The following TUBGCP3 variants were observed in gnomAD, a reference collection of about 807,000 sequenced individuals.
TUBGCP3 encodes the protein tubulin gamma complex component 3.
Under a neutral mutation model 123.1 loss-of-function variants are expected in TUBGCP3, and 50 were observed. The observed-to-expected ratio is 0.41, with a 90% CI of 0.32 to 0.51. The LOEUF (loss-of-function observed/expected upper bound fraction) is 0.51, where lower values mean the gene tolerates loss of function less well. Ranked by LOEUF, TUBGCP3 falls within the 20% of genes least tolerant of loss-of-function variation. The pLI is 0.36. For missense variants in TUBGCP3, 882 were observed against 1,127.0 expected, an observed-to-expected ratio of 0.78 and a Z score of 3.11; for synonymous variants, 405 against 413.9, an observed-to-expected ratio of 0.98 and a Z score of 0.26.
chr13:112,534,050 G>C (rs73566375), intron 11 of TUBGCP3, among the ~76,000 whole-genome samples: 31 of 152,200 alleles, frequency 2.0e-4, no homozygotes, highest in African/African-American at 7.2e-4. Context: ...TGAGTATGCA[G>C]AGCTGGTGTG....
chr13:112,579,293 G>A (rs1007456793), intron 1 of TUBGCP3, among the ~76,000 whole-genome samples: 5 of 152,140 alleles, frequency 3.3e-5, no homozygotes, highest in African/African-American at 4.8e-5. Context: ...GTGGGGCCAC[G>A]GCATCCCTGG....
chr13:112,603,003 T>C, the TUBGCP3 span: 1 of 152,020 alleles, frequency 6.6e-6, no homozygotes, highest in Non-Finnish European at 1.5e-5. Flanking sequence ...AAGCAGCTGA[T>C]TTAATAAAGC....
intron 11 of TUBGCP3, among the ~76,000 whole-genome samples, chr13:112,529,563 A>G (rs1349447412): frequency 6.6e-6 from 1 of 152,110 alleles, no homozygotes; most frequent in Admixed American, 6.5e-5. Context: ...GAGCCTCTTC[A>G]AGCCGCTCCT....
intron 11 of TUBGCP3, among the ~76,000 whole-genome samples, chr13:112,535,366 A>G (rs1189039312): frequency 6.6e-6 from 1 of 152,158 alleles, no homozygotes; most frequent in Non-Finnish European, 1.5e-5. Context: ...AAACTGTCAA[A>G]CTGCTTTCCA....
At chr13:112,501,431 G>C (rs1880898370) in intron 19 of TUBGCP3, among the ~76,000 whole-genome samples, 1 of 152,146 alleles carries the variant, frequency 6.6e-6, no homozygotes, top group Non-Finnish European at 1.5e-5. Flanking sequence ...GTCCACACAG[G>C]GCACCTGCAG....
chr13:112,595,663 A>T, the TUBGCP3 span, among the ~76,000 whole-genome samples: 1 of 151,100 alleles, frequency 6.6e-6, no homozygotes, highest in Non-Finnish European at 1.5e-5. Flanking sequence ...TGGTATATAT[A>T]TTTTTCTATT....
At chr13:112,535,812 T>C (rs1359443418) in intron 11 of TUBGCP3, among the ~76,000 whole-genome samples, 1 of 152,238 alleles carries the variant, frequency 6.6e-6, no homozygotes, top group African/African-American at 2.4e-5. Context: ...CTGCTGGTGC[T>C]TTTGATGACA....
At chr13:112,568,572 G>A (rs1420243420) in intron 2 of TUBGCP3, among the ~76,000 whole-genome samples, 4 of 152,174 alleles carry the variant, frequency 2.6e-5, no homozygotes, top group Non-Finnish European at 4.4e-5. Context: ...TGGACTTCCA[G>A]AAGATGTTAT....
the TUBGCP3 span, among the ~76,000 whole-genome samples, chr13:112,597,500 A>C: frequency 6.6e-6 from 1 of 152,242 alleles, no homozygotes; most frequent in Admixed American, 6.5e-5. Flanking sequence ...TTGGAAAACC[A>C]AGAGAAACAA....
intron 14 of TUBGCP3, among the ~76,000 whole-genome samples, chr13:112,522,037 C>A (rs1403835561): frequency 6.6e-6 from 1 of 152,162 alleles, no homozygotes; most frequent in Non-Finnish European, 1.5e-5. Flanking sequence ...ATTTGACCAA[C>A]TCCTCATACA....
chr13:112,499,059 GTTTC>G lies in TUBGCP3; in HGVS notation c.2430_2433del (p.Lys810AsnfsTer11). 3 of 1,614,128 alleles carry G rather than the reference GTTTC, an allele frequency of 1.9e-6. No homozygotes were observed. Among genetic ancestry groups the G allele is most frequent in the Non-Finnish European group, 2.5e-6 (3 of 1,180,010 alleles). On this transcript the variant is annotated frameshift_variant, in exon 20 of 22. Transcript: ENST00000261965. LOFTEE classifies it high-confidence loss of function. ...AAAGACCATACCTCAATTTCACGCT[GTTTC>G]TTTTTCTCTTCAAACTGTAATCGTC...
At chr13:112,547,402 T>A (rs1879101717) in intron 10 of TUBGCP3, 1 of 714,346 alleles carries the variant, frequency 1.4e-6, no homozygotes, top group Non-Finnish European at 2.0e-6. Context: ...TCGATTCCTA[T>A]CGAATCAACA....
chr13:112,489,540 G>A, intron 21 of TUBGCP3, 41 bp downstream of exon 21: 4 of 1,354,724 alleles, frequency 3.0e-6, no homozygotes, highest in Non-Finnish European at 4.2e-6. Flanking sequence ...CAGAACATGG[G>A]CAGAGTGGTG....
chr13:112,562,855 T>C (rs1387955272), intron 3 of TUBGCP3, among the ~76,000 whole-genome samples: 2 of 152,140 alleles, frequency 1.3e-5, no homozygotes, highest in South Asian at 2.1e-4. Context: ...CAAATAAACA[T>C]CTTCGCAAAG....
At chr13:112,571,708 G>A (rs1881408337) in intron 1 of TUBGCP3, among the ~76,000 whole-genome samples, 1 of 152,198 alleles carries the variant, frequency 6.6e-6, no homozygotes, top group Non-Finnish European at 1.5e-5. Flanking sequence ...TATTCCAATA[G>A]AAGGGTGTTT....
chr13:112,558,869 T>C (rs1363049366), intron 4 of TUBGCP3, among the ~76,000 whole-genome samples: 3 of 152,168 alleles, frequency 2.0e-5, no homozygotes, highest in Non-Finnish European at 4.4e-5. Flanking sequence ...TATACCAGAC[T>C]CTGGGGCACA....
the TUBGCP3 span, among the ~76,000 whole-genome samples, chr13:112,593,246 C>T: frequency 1.3e-5 from 2 of 152,044 alleles, no homozygotes; most frequent in Admixed American, 1.3e-4. Context: ...TGGTAAAACC[C>T]CATCTCTACA....
chr13:112,577,410 A>G (rs1881905688), intron 1 of TUBGCP3, among the ~76,000 whole-genome samples: 1 of 152,234 alleles, frequency 6.6e-6, no homozygotes, highest in South Asian at 2.1e-4. Context: ...CATGATAAAA[A>G]TATCAGACTC....
In TUBGCP3 at chr13:112,545,831, G is replaced by T. The variant is rs142170204; in HGVS notation, c.1203C>A (p.His401Gln). The change falls in exon 11 of 22, where the codon CAC becomes CAA. Residue 401 changes from histidine (H) to glutamine (Q), a missense_variant. By Grantham distance (24) the His-to-Gln change is conservative. This residue lies in a region of TUBGCP3 where 713 missense variants were observed against 874.0 expected (regional missense o/e 0.82). Transcript: ENST00000261965. The surrounding 1 kb of genome is among the most constrained non-coding windows in gnomAD (Gnocchi z 4.1). Reference sequence around the variant, plus strand: ...ACGGGTCTCCTGTTTTTGTGTAGGCGTGGACAGCTGAGGCCAGCTCACCTC... The same window carrying T: ...ACGGGTCTCCTGTTTTTGTGTAGGCTTGGACAGCTGAGGCCAGCTCACCTC... ...RKGGELASAV[H>Q]AYTKTGDPYM... is the part of the protein sequence containing the mutation. The T allele has an allele frequency of 1.2e-6, 2 of 1,613,988 alleles. No homozygotes were observed. The highest frequency in any genetic ancestry group is 4.5e-5 in the East Asian group (2 of 44,868).
Sources: gnomAD v4.1 joint callset for allele counts (sites outside exome capture counted in the v4.1 genomes callset) on GRCh38, gnomAD v4.1.1 for gene constraint, gnomAD v4.1.1 regional missense constraint, Gnocchi (gnomAD v3.1) non-coding constraint, MANE v1.5 for transcripts, NCBI Gene and HGNC (gene_info 2026-07-23, HGNC 2026-07-21) for gene names.